The following PKIB variants were observed in gnomAD, a reference collection of about 807,000 sequenced individuals.
The protein encoded by PKIB is PKI-beta.
PKIB carries 2 observed loss-of-function variants against 4.5 expected under a neutral mutation model. The ratio of observed to expected loss-of-function variants is 0.44; its 90% CI spans 0.18 to 1.39. The LOEUF (loss-of-function observed/expected upper bound fraction) is 1.39. PKIB is among the 40% of genes most tolerant of loss of function. The pLI, the probability that PKIB is intolerant of heterozygous loss-of-function variation, is 0.27. For synonymous variants in PKIB, 38 were observed against 36.0 expected (o/e 1.06, Z -0.20); for missense variants, 94 against 92.6 (o/e 1.02, Z -0.06).
intron 4 of PKIB, among the ~76,000 whole-genome samples, chr6:122,719,611 A>T (rs558051499): frequency 5.3e-5 from 8 of 152,188 alleles, no homozygotes; most frequent in African/African-American, 1.9e-4. Flanking sequence ...AGGAGAAGTA[A>T]GTTCAGGGGA....
Position 122,537,241 on chromosome 6 carries a change from T to C in PKIB, c.-247-48680T>C, listed in dbSNP as rs1019903664. 4.1e-4 allele frequency among the ~76,000 whole-genome samples: 62 copies of C among 152,262 alleles called. 1 individual carries two copies. The highest frequency in any genetic ancestry group is 1.3e-3 in the African/African-American group (54 of 41,542). On this transcript the variant is annotated intron_variant, in intron 2 of 6. Transcript: ENST00000392491. ...TGCAGGTTTGTTACATATGTATACA[T>C]GTGCCATGTTGGTGTGCTGCACCCA...
At chr6:122,629,927 G>A (rs193210313) in intron 1 of PKIB, among the ~76,000 whole-genome samples, 3 of 152,210 alleles carry the variant, frequency 2.0e-5, no homozygotes, top group Non-Finnish European at 4.4e-5. Context: ...TACCGTAAGG[G>A]CGTCAGATAA....
intron 3 of PKIB, among the ~76,000 whole-genome samples, chr6:122,714,990 T>A (rs1779422333): frequency 6.6e-6 from 1 of 151,924 alleles, no homozygotes; most frequent in Non-Finnish European, 1.5e-5. Flanking sequence ...TTTCACCATC[T>A]TGGCCAGGCT....
intron 3 of PKIB, among the ~76,000 whole-genome samples, chr6:122,604,352 A>T (rs1038091673): frequency 6.6e-6 from 1 of 152,254 alleles, no homozygotes; most frequent in African/African-American, 2.4e-5. Flanking sequence ...GAATGAATTG[A>T]TCAGAAATGG....
chr6:122,722,814 C>T (rs1440168802), intron 4 of PKIB, among the ~76,000 whole-genome samples: 2 of 152,164 alleles, frequency 1.3e-5, no homozygotes, highest in Non-Finnish European at 1.5e-5. Flanking sequence ...AACTCCTTGA[C>T]AGAGTTATCT....
chr6:122,688,430 TTGTC>T (rs1179266980), intron 3 of PKIB, among the ~76,000 whole-genome samples: 2 of 152,170 alleles, frequency 1.3e-5, no homozygotes, highest in Admixed American at 1.3e-4. Context: ...GGATGTGTCT[TTGTC>T]TGGTTTTGGA....
intron 2 of PKIB, among the ~76,000 whole-genome samples, chr6:122,564,256 C>A (rs1490340223): frequency 6.6e-6 from 1 of 152,118 alleles, no homozygotes; most frequent in Non-Finnish European, 1.5e-5. Context: ...CTCGGGATTG[C>A]TGGTTTGTTC....
intron 1 of PKIB, among the ~76,000 whole-genome samples, chr6:122,616,067 A>T (rs1774972867): frequency 6.6e-6 from 1 of 152,180 alleles, no homozygotes. Flanking sequence ...CAGAAGATGC[A>T]GATTGAGTTG....
intron 2 of PKIB, among the ~76,000 whole-genome samples, chr6:122,508,055 A>G (rs1582665205): frequency 6.6e-6 from 1 of 152,212 alleles, no homozygotes; most frequent in African/African-American, 2.4e-5. Context: ...GTCCTTGAGA[A>G]TTATAGGGAA....
intron 3 of PKIB, among the ~76,000 whole-genome samples, chr6:122,691,680 A>T (rs1778361994): frequency 6.6e-6 from 1 of 151,884 alleles, no homozygotes; most frequent in Admixed American, 6.6e-5. Context: ...CTTTTTCCCC[A>T]GGATTGGTCC....
At chr6:122,706,717 T>C (rs1270186462) in intron 3 of PKIB, among the ~76,000 whole-genome samples, 1 of 152,148 alleles carries the variant, frequency 6.6e-6, no homozygotes, top group African/African-American at 2.4e-5. Flanking sequence ...AAATTCTCAA[T>C]AAAGTGCTTT....
chr6:122,542,912 C>A (rs1222551524), intron 2 of PKIB, among the ~76,000 whole-genome samples: 1 of 152,118 alleles, frequency 6.6e-6, no homozygotes, highest in Non-Finnish European at 1.5e-5. Flanking sequence ...CAAGCCTGGG[C>A]AATGGCAGGC....
intron 1 of PKIB, among the ~76,000 whole-genome samples, chr6:122,472,573 G>A (rs1775335794): frequency 1.3e-5 from 2 of 152,098 alleles, no homozygotes; most frequent in South Asian, 4.1e-4. Context: ...AGAGTTATTT[G>A]TTCTTGAAAA....
intron 2 of PKIB, chr6:122,480,259 G>A (rs1490488957): frequency 2.6e-5 from 4 of 152,008 alleles, no homozygotes; most frequent in African/African-American, 7.3e-5. Context: ...AGCTGGGATG[G>A]TCTTGATCTC....
At chr6:122,676,919 G>A (rs1777695623) in intron 3 of PKIB, among the ~76,000 whole-genome samples, 1 of 152,100 alleles carries the variant, frequency 6.6e-6, no homozygotes, top group African/African-American at 2.4e-5. Flanking sequence ...TAACACTTCA[G>A]TTTGTAAATA....
At chr6:122,595,970 A>T (rs1774164456) in intron 3 of PKIB, among the ~76,000 whole-genome samples, 1 of 152,334 alleles carries the variant, frequency 6.6e-6, no homozygotes, top group South Asian at 2.1e-4. Flanking sequence ...CCACTCAGAG[A>T]GGTCCATCCA....
At chr6:122,595,190 A>G (rs961234226) in intron 3 of PKIB, among the ~76,000 whole-genome samples, 3 of 152,164 alleles carry the variant, frequency 2.0e-5, no homozygotes, top group African/African-American at 4.8e-5. Flanking sequence ...AACTCTGGCT[A>G]TGGGAGGAAA....
chr6:122,533,944 CTCTG>C (rs1280053924), intron 2 of PKIB, among the ~76,000 whole-genome samples: 3 of 151,856 alleles, frequency 2.0e-5, no homozygotes, highest in Non-Finnish European at 4.4e-5. Context: ...CAACCATCCT[CTCTG>C]TCTTTCTTTT....
chr6:122,681,932 A>G (rs1370623597), intron 3 of PKIB, among the ~76,000 whole-genome samples: 1 of 152,202 alleles, frequency 6.6e-6, no homozygotes, highest in Admixed American at 6.5e-5. Context: ...ATGTGCTATC[A>G]GTGCTCAATA....
Sources: allele counts gnomAD v4.1 joint callset (sites outside exome capture counted in the v4.1 genomes callset), GRCh38; gene constraint gnomAD v4.1.1; transcripts MANE v1.5; gene names NCBI Gene and HGNC (gene_info 2026-07-23, HGNC 2026-07-21).